The following ZFHX3 variants were observed in gnomAD, a reference collection of about 807,000 sequenced individuals.
ZFHX3 encodes zinc finger homeobox 3.
A neutral mutation model predicts 279.1 loss-of-function variants in ZFHX3; 42 were observed. The observed-to-expected ratio is 0.15, with a 90% CI of 0.12 to 0.19. The LOEUF (loss-of-function observed/expected upper bound fraction) is 0.19, where lower values mean the gene tolerates loss of function less well. Among genes scored for constraint, ZFHX3 ranks in the 10% least tolerant of loss-of-function variants. The pLI is 1.00. For missense variants in ZFHX3, 4,981 were observed against 4,754.0 expected (o/e 1.05, Z -1.40); for synonymous variants, 2,293 against 1,957.8 (o/e 1.17, Z -4.52).
In ZFHX3 at chr16:73,322,166, T is replaced by C. The variant is rs147053458; in HGVS notation, c.-1290-3830A>G. Among the ~76,000 whole-genome samples, 772 of 152,176 alleles carry C rather than the reference T, an allele frequency of 5.1e-3. 2 individuals are homozygous for C. Among genetic ancestry groups the C allele is most frequent in the African/African-American group, 0.017 (724 of 41,516 alleles). On this transcript the variant is annotated intron_variant, in intron 3 of 17. Transcript: ENST00000641206. ...AGGAAGGCTGGGCCCCTGACCTGCC[T>C]GGTCCACCAGCCTGGTCTGCATAAT...
At position 72,797,268 on chromosome 16, in the gene ZFHX3, G is replaced by C. The variant is rs773028977; in HGVS notation, c.5414C>G (p.Ala1805Gly). 35 of 1,611,964 alleles carry C rather than the reference G, an allele frequency of 2.2e-5. No homozygotes were observed. The highest frequency in any genetic ancestry group is 3.0e-5 in the Non-Finnish European group (35 of 1,178,712). Reference protein sequence around the residue: ...HLLFPFYIPSAEFQLNPEVSL... With the variant: ...HLLFPFYIPSGEFQLNPEVSL... ...CACCTCGGGGTTAAGCTGGAACTCAGCACTGGGGATGTAGAAAGGGAAGAG... is the reference window on the plus strand; with the variant it reads ...CACCTCGGGGTTAAGCTGGAACTCACCACTGGGGATGTAGAAAGGGAAGAG... Residue 1805 changes from alanine to glycine, a missense_variant, in exon 9 of 10, where the codon GCT (alanine) becomes GGT (glycine). Ala to Gly is a moderately conservative substitution (Grantham distance 60). Around this residue, in one of 7 missense-constraint regions of ZFHX3, gnomAD observed 1,751 missense variants for 1,770.0 expected, o/e 0.99. Coordinates refer to ENST00000268489, the MANE Select transcript of ZFHX3 (RefSeq NM_006885.4).
rs371601618 is a variant in ZFHX3, at chr16:72,797,566, C to T, written c.5116G>A (p.Glu1706Lys). 2.7e-5 allele frequency: 44 copies of T among 1,613,946 alleles called. No homozygotes were observed. The highest frequency in any genetic ancestry group is 3.6e-5 in the Non-Finnish European group (43 of 1,180,010). Residue 1706 changes from glutamate to lysine, a missense_variant, in exon 9 of 10, where the codon GAG (glutamate) becomes AAG (lysine). Coordinates refer to ENST00000268489, the MANE Select transcript of ZFHX3 (RefSeq NM_006885.4). ...PIGANIASPS[E>K]PKEANRKKLA... Reference sequence around the variant, plus strand: ...TTCTTCCGATTGGCCTCTTTGGGCTCTGAAGGGGAAGCAATGTTGGCACCA... The same window carrying T: ...TTCTTCCGATTGGCCTCTTTGGGCTTTGAAGGGGAAGCAATGTTGGCACCA...
intron 1 of ZFHX3, among the ~76,000 whole-genome samples, chr16:73,841,265 C>T (rs536280035): frequency 1.3e-5 from 2 of 151,870 alleles, no homozygotes; most frequent in East Asian, 3.9e-4. Flanking sequence ...TCAGCTCCTA[C>T]ATCACAAGGA....
rs190610814 is a variant in ZFHX3 at position 73,073,867 on chromosome 16, T to G, written c.-532-14855A>C. ...GGTCAATGAAATTATTGTTGTGGCT[T>G]TTGATTCCAAATAAAACTAGTGCTG... On this transcript the variant is annotated intron_variant, in intron 8 of 17. Transcript: ENST00000641206. 4.1e-3 allele frequency among the ~76,000 whole-genome samples: 623 copies of G among 152,336 alleles called. 3 individuals carry two copies. Among genetic ancestry groups the G allele is most frequent in the African/African-American group, 0.015 (607 of 41,572 alleles).
chr16:73,789,274 A>C (rs1455591880), intron 1 of ZFHX3, among the ~76,000 whole-genome samples: 1 of 151,848 alleles, frequency 6.6e-6, no homozygotes, highest in African/African-American at 2.4e-5. Context: ...AACGCCTCCC[A>C]GGTTCAAGCG....
chr16:73,471,978 T>C (rs901824645), intron 2 of ZFHX3, among the ~76,000 whole-genome samples: 2 of 152,072 alleles, frequency 1.3e-5, no homozygotes, highest in African/African-American at 4.8e-5. Context: ...GCTCAATTGA[T>C]CCAGTGCCCT....
intron 7 of ZFHX3, among the ~76,000 whole-genome samples, chr16:73,104,974 G>T (rs1398390996): frequency 6.6e-6 from 1 of 152,014 alleles, no homozygotes; most frequent in Non-Finnish European, 1.5e-5. Flanking sequence ...ACCATTCTGA[G>T]AAGAAGAAGT....
chr16:72,798,005 G>A lies in ZFHX3; in HGVS notation c.4677C>T (p.Ile1559=). Residue 1559 remains isoleucine (I), a synonymous_variant, in exon 9 of 10, where the codon ATC becomes ATT. Coordinates refer to ENST00000268489, the MANE Select transcript of ZFHX3 (RefSeq NM_006885.4). ...AGACAGAATTGTAGTGTACTAGCAG[G>A]ATATTCTTTTGAGTGAAAGATTCCT... ...VCKESFTQKN[I]LLVHYNSVSH... is the part of the protein sequence containing the mutation. 6.2e-7 allele frequency: 1 copy of A among 1,614,208 alleles called. No homozygotes were observed. Among genetic ancestry groups the A allele is most frequent in the Non-Finnish European group, 8.5e-7 (1 of 1,180,042 alleles).
chr16:73,685,046 C>T (rs1212255828), intron 1 of ZFHX3, among the ~76,000 whole-genome samples: 2 of 146,192 alleles, frequency 1.4e-5, no homozygotes, highest in African/African-American at 5.1e-5. Context: ...GACAGAGTCT[C>T]ACTCTGTCGC....
chr16:73,629,414 T>C (rs537431555), intron 2 of ZFHX3, among the ~76,000 whole-genome samples: 3 of 152,156 alleles, frequency 2.0e-5, no homozygotes, highest in Non-Finnish European at 4.4e-5. Context: ...ACATTGCTGG[T>C]GTTTATGATT....
intron 3 of ZFHX3, among the ~76,000 whole-genome samples, chr16:72,943,120 T>A (rs1960491145): frequency 6.6e-6 from 1 of 152,216 alleles, no homozygotes. Context: ...TCACACCAGC[T>A]AGGAAAGGCT....
intron 3 of ZFHX3, among the ~76,000 whole-genome samples, chr16:73,324,513 T>C (rs2015641436): frequency 6.6e-6 from 1 of 152,192 alleles, no homozygotes; most frequent in Non-Finnish European, 1.5e-5. Context: ...CAAAGCAAAC[T>C]AAGTAAGTAA....
At position 73,682,966 on chromosome 16, in the gene ZFHX3, G is replaced by GAA. The variant is rs1273463892; in HGVS notation, c.-1607-2728_-1607-2727dup. Reference sequence around the variant, plus strand: ...AGAAAGAAAGAAAGAAAGAAAGAAAGAAAGAAAGAAAGAAAGAAAGAAAGA... The same window carrying GAA: ...AGAAAGAAAGAAAGAAAGAAAGAAAGAAAAAGAAAGAAAGAAAGAAAGAAAGA... On this transcript the variant is annotated intron_variant, in intron 1 of 17. Transcript: ENST00000641206. 1.1e-4 allele frequency among the ~76,000 whole-genome samples: 3 copies of GAA among 26,526 alleles called. 1 individual carries two copies. Among genetic ancestry groups the GAA allele is most frequent in the African/African-American group, 2.3e-4 (2 of 8,680 alleles). The allele number at this position is 26,526 out of a possible 152,430, so 17.4% of individuals were successfully genotyped here. A position where few individuals can be genotyped will look rare whatever the true frequency, so the allele number is the denominator to read the frequency against.
At chr16:73,233,269 C>A (rs1338356533) in intron 5 of ZFHX3, among the ~76,000 whole-genome samples, 1 of 151,960 alleles carries the variant, frequency 6.6e-6, no homozygotes, top group South Asian at 2.1e-4. Context: ...CCACCAGAGT[C>A]CAGAGGAAAG....
exon 1 of ZFHX3, chr16:73,059,546 C>CTCTCTCTCTCTCTCTT (rs1567654685): frequency 1.3e-5 from 2 of 149,246 alleles, no homozygotes; most frequent in Admixed American, 6.7e-5. Flanking sequence ...CTCTCTCTCT[C>CTCTCTCTCTCTCTCTT]TCTCTCTCTC....
At chr16:72,846,584 G>C (rs1416366774) in intron 4 of ZFHX3, among the ~76,000 whole-genome samples, 1 of 152,212 alleles carries the variant, frequency 6.6e-6, no homozygotes, top group Non-Finnish European at 1.5e-5. Context: ...CCCTCTGCTG[G>C]GTAAGGTAGT....
Position 72,984,072 on chromosome 16 carries a change from A to G in ZFHX3, c.-49-23878T>C, listed in dbSNP as rs1374713284. 3.9e-5 allele frequency among the ~76,000 whole-genome samples: 6 copies of G among 152,126 alleles called. No homozygotes were observed. The East Asian group carries it at 5.8e-4, about 15-fold the overall frequency. On this transcript the variant is annotated intron_variant, in intron 1 of 9. Transcript: ENST00000268489. ...TCATACACCTGCAGCCTTCTTGCCT[A>G]TACCTGCTCACGCTCCTTCAAGCAC... is the stretch of plus-strand genomic sequence containing the variant.
rs943955933 is a variant in ZFHX3 at position 73,456,002 on chromosome 16, C to T, written c.-1291+1G>A. 3 of 152,132 alleles carry T rather than the reference C, an allele frequency of 2.0e-5. No individual in the cohort carries two copies. The highest frequency in any genetic ancestry group is 4.4e-5 in the Non-Finnish European group (3 of 68,042). 9.4% of individuals were successfully genotyped at this position (152,132 alleles called of 1,614,324 possible). A position where few individuals can be genotyped will look rare whatever the true frequency, so the allele number is the denominator to read the frequency against. On this transcript the variant is annotated splice_donor_variant, in intron 3 of 17. Coordinates refer to the ZFHX3 transcript ENST00000641206. LOFTEE classifies it low-confidence loss of function (5UTR_SPLICE). ...GAACCCGAAGCAGAAATATCCCTTA[C>T]CTGGGAAGAACTGTGATTCAGACTC...
chr16:73,843,469 G>C (rs767204070), intron 1 of ZFHX3, among the ~76,000 whole-genome samples: 1 of 152,238 alleles, frequency 6.6e-6, no homozygotes, highest in Non-Finnish European at 1.5e-5. Flanking sequence ...AAACCCAGTA[G>C]TCAAAGATGA....
Sources: allele counts gnomAD v4.1 joint callset (sites outside exome capture counted in the v4.1 genomes callset), GRCh38; gene constraint gnomAD v4.1.1; regional missense constraint gnomAD v4.1.1; transcripts MANE v1.5; gene names NCBI Gene and HGNC (gene_info 2026-07-23, HGNC 2026-07-21).